WDR41: variants seen among roughly 807,000 people sequenced by gnomAD.
The protein encoded by WDR41 is WD repeat domain 41.
Under a neutral mutation model 69.3 loss-of-function variants are expected in WDR41, and 63 were observed. That is an observed-to-expected ratio of 0.91 (90% CI 0.74 to 1.12). The LOEUF (loss-of-function observed/expected upper bound fraction) is 1.12, where lower values mean the gene tolerates loss of function less well. Among genes scored for constraint, WDR41 ranks in the 50% most tolerant of loss-of-function variants. WDR41 has a pLI of 0.00. For synonymous variants in WDR41, 185 were observed against 192.1 expected (o/e 0.96, Z 0.31); for missense variants, 543 against 534.5 (o/e 1.02, Z -0.16).
intron 2 of WDR41, among the ~76,000 whole-genome samples, chr5:77,475,173 C>A (rs1190661522): frequency 6.6e-6 from 1 of 152,186 alleles, no homozygotes; most frequent in African/African-American, 2.4e-5. Flanking sequence ...CCTACGCCCA[C>A]AGAGTCTCGC....
rs116515434 is a variant in WDR41, at chr5:77,513,663, T to C, written c.43-24091A>G. On this transcript the variant is annotated intron_variant, in intron 1 of 5. Transcript: ENST00000509971. ...CTTTAAAAGGGCTAGTATACCTTTT[T>C]TCCTTCATAAAAATTTAAACATGTT... Among the ~76,000 whole-genome samples the C allele has an allele frequency of 3.5e-3, 537 of 152,306 alleles. 5 individuals carry two copies. The highest frequency in any genetic ancestry group is 0.012 in the African/African-American group (508 of 41,570).
chr5:77,527,172 G>A (rs533681489), intron 1 of WDR41, among the ~76,000 whole-genome samples: 2 of 151,750 alleles, frequency 1.3e-5, no homozygotes, highest in East Asian at 3.9e-4. Flanking sequence ...AAATATTAGT[G>A]GACTCAATAC....
intron 1 of WDR41, among the ~76,000 whole-genome samples, chr5:77,611,845 A>G (rs1225699922): frequency 6.6e-6 from 1 of 152,148 alleles, no homozygotes; most frequent in Non-Finnish European, 1.5e-5. Context: ...AAATCAATGA[A>G]TCCAGGAGCT....
At chr5:77,531,567 T>C (rs1311220960) in intron 1 of WDR41, among the ~76,000 whole-genome samples, 1 of 151,986 alleles carries the variant, frequency 6.6e-6, no homozygotes, top group African/African-American at 2.4e-5. Flanking sequence ...GTTCAGCTGC[T>C]GTGGAAAACA....
chr5:77,446,927 A>T (rs163013), intron 8 of WDR41, among the ~76,000 whole-genome samples: 95,510 of 151,714 alleles, frequency 0.63, 31,679 homozygotes, highest in African/African-American at 0.84. Flanking sequence ...ACAAATGGGA[A>T]CTAATGAAAC....
upstream of WDR41, chr5:77,492,460 G>A: frequency 4.5e-6 from 2 of 447,706 alleles, no homozygotes; most frequent in Non-Finnish European, 7.7e-6. Flanking sequence ...TGCGGCGGCC[G>A]ACGGCGGGGG....
chr5:77,537,095 A>G (rs1316597991), intron 1 of WDR41, among the ~76,000 whole-genome samples: 1 of 152,248 alleles, frequency 6.6e-6, no homozygotes, highest in Non-Finnish European at 1.5e-5. Flanking sequence ...AATATTGGCT[A>G]TAATAATCAG....
chr5:77,491,939 G>A (rs916291759), intron 1 of WDR41: 5 of 541,498 alleles, frequency 9.2e-6, no homozygotes, highest in Admixed American at 3.5e-5. Flanking sequence ...CGTGGGACGG[G>A]GCCGGGGGTC....
chr5:77,459,870 G>A (rs571088586), intron 4 of WDR41, among the ~76,000 whole-genome samples: 2 of 152,310 alleles, frequency 1.3e-5, no homozygotes, highest in South Asian at 4.1e-4. Context: ...TTGACTTAAA[G>A]TAGTTATGTC....
At chr5:77,518,813 T>C (rs778632145) in intron 1 of WDR41, among the ~76,000 whole-genome samples, 3 of 152,076 alleles carry the variant, frequency 2.0e-5, no homozygotes, top group Non-Finnish European at 4.4e-5. Context: ...AATCCAATAA[T>C]ATATGTCTAA....
chr5:77,559,719 A>G (rs1035207199), intron 1 of WDR41, among the ~76,000 whole-genome samples: 2 of 151,972 alleles, frequency 1.3e-5, no homozygotes, highest in Non-Finnish European at 2.9e-5. Context: ...CTACATACTC[A>G]TGACCTTTAT....
rs1581694291 is a variant in WDR41 at position 77,440,899 on chromosome 5, A to T, written c.796T>A (p.Ser266Thr). The change falls in exon 9 of 13, where the codon TCT (serine) becomes ACT (threonine). Residue 266 changes from serine (S) to threonine (T), a missense_variant. By Grantham distance (58) the Ser-to-Thr change is moderately conservative (BLOSUM62 1). Transcript: ENST00000296679. The stretch of plus-strand genomic sequence containing the variant: ...TCTTGTTGGGTGTCCAGTTGTGGAG[A>T]TGGGTCCCAGAAGTTGCGTTCATAG... ...QAYERNFWDP[S>T]PQLDTQQEIK... 3.1e-6 allele frequency: 5 copies of T among 1,614,084 alleles called. No individual in the cohort carries two copies. In the East Asian group the frequency reaches 1.1e-4, roughly 36 times the overall value.
At chr5:77,455,642 G>T (rs1799799153) in intron 5 of WDR41, among the ~76,000 whole-genome samples, 1 of 152,132 alleles carries the variant, frequency 6.6e-6, no homozygotes, top group Non-Finnish European at 1.5e-5. Flanking sequence ...ATGTGGTAGG[G>T]ATAAAATTTC....
At chr5:77,484,554 T>C (rs984781715) in intron 2 of WDR41, among the ~76,000 whole-genome samples, 11 of 152,214 alleles carry the variant, frequency 7.2e-5, no homozygotes, top group African/African-American at 2.2e-4. Context: ...CTGGAATTTG[T>C]GATAAAAAGG....
intron 1 of WDR41, among the ~76,000 whole-genome samples, chr5:77,529,189 T>C (rs1428714675): frequency 1.3e-5 from 2 of 151,304 alleles, no homozygotes; most frequent in Non-Finnish European, 3.0e-5. Context: ...TTTAGTAAAG[T>C]TGCTGACTAC....
At chr5:77,561,180 A>T (rs1034066792) in intron 1 of WDR41, among the ~76,000 whole-genome samples, 1 of 152,212 alleles carries the variant, frequency 6.6e-6, no homozygotes, top group Admixed American at 6.5e-5. Context: ...CATCAAAAGT[A>T]GATCTAAGCT....
At position 77,432,197 on chromosome 5, in the gene WDR41, CCTTT is replaced by C. The variant is rs1318803786; in HGVS notation, c.*934_*937del. The C allele has an allele frequency of 2.0e-5, 3 of 152,262 alleles. No homozygotes were observed. Among genetic ancestry groups the C allele is most frequent in the Admixed American group, 6.5e-5 (1 of 15,290 alleles). 9.4% of individuals were successfully genotyped at this position (152,262 alleles called of 1,614,324 possible). On this transcript the variant is annotated 3_prime_UTR_variant, in exon 13 of 13. Transcript: ENST00000296679. ...AGTCTGCTAACATCTGTCACGTTGC[CCTTT>C]CTTCATCAGTAGTTTAAGAATTTCA... is the stretch of plus-strand genomic sequence containing the variant.
At chr5:77,613,661 T>C (rs62362473) in intron 1 of WDR41, among the ~76,000 whole-genome samples, 528 of 152,308 alleles carry the variant, frequency 3.5e-3, no homozygotes, top group Middle Eastern at 0.017. Flanking sequence ...GGATTAAAGA[T>C]TTATATGTTA....
chr5:77,438,788 C>G (rs1581691879), intron 9 of WDR41, among the ~76,000 whole-genome samples: 1 of 152,096 alleles, frequency 6.6e-6, no homozygotes, highest in South Asian at 2.1e-4. Flanking sequence ...CATTCCACAT[C>G]TTAAGCAATC....
Sources: gnomAD v4.1 joint callset for allele counts (sites outside exome capture counted in the v4.1 genomes callset) on GRCh38, gnomAD v4.1.1 for gene constraint, MANE v1.5 for transcripts, NCBI Gene and HGNC (gene_info 2026-07-23, HGNC 2026-07-21) for gene names.